Variants in UBE4B observed in about 807,000 individuals in gnomAD.
UBE4B encodes the protein ubiquitination factor E4B.
A neutral mutation model predicts 148.1 loss-of-function variants in UBE4B; 27 were observed. The observed-to-expected ratio is 0.18, with a 90% CI of 0.13 to 0.25. The LOEUF (loss-of-function observed/expected upper bound fraction) is 0.25. Among genes scored for constraint, UBE4B ranks in the 10% least tolerant of loss-of-function variants. UBE4B has a pLI of 1.00. For missense variants in UBE4B, 1,170 were observed against 1,662.4 expected, an observed-to-expected ratio of 0.70 and a Z score of 5.15; for synonymous variants, 596 against 619.3, an observed-to-expected ratio of 0.96 and a Z score of 0.56.
At chr1:10,139,626 TAA>T (rs1477644285) in intron 17 of UBE4B, among the ~76,000 whole-genome samples, 4 of 152,238 alleles carry the variant, frequency 2.6e-5, no homozygotes, top group Non-Finnish European at 5.9e-5. Flanking sequence ...TCAGTTTTTC[TAA>T]AGTTTGAAAA....
chr1:10,146,536 C>A (rs796367160), intron 18 of UBE4B, among the ~76,000 whole-genome samples: 14 of 152,290 alleles, frequency 9.2e-5, no homozygotes, highest in African/African-American at 2.6e-4. Flanking sequence ...TGTCAACAGG[C>A]CTCTAGGTAG....
intron 23 of UBE4B, among the ~76,000 whole-genome samples, chr1:10,164,239 G>A (rs1405307947): frequency 6.6e-6 from 1 of 152,066 alleles, no homozygotes; most frequent in Non-Finnish European, 1.5e-5. Flanking sequence ...TATTTGGAAG[G>A]CTGAGGTGGG....
In UBE4B at chr1:10,122,085, G is replaced by A. The variant is rs773613428; in HGVS notation, c.1554+9G>A. The A allele has an allele frequency of 5.0e-6, 8 of 1,590,602 alleles. No individual in the cohort carries two copies. The highest frequency in any genetic ancestry group is 1.3e-5 in the African/African-American group (1 of 74,176). On this transcript the variant is annotated intron_variant, in intron 10 of 27. Transcript: ENST00000343090. ...AAGAAGTGTTCAAGCAGGTACGGTC[G>A]TATGAGTTTGCTCTTGCAAATTTTA...
intron 8 of UBE4B, among the ~76,000 whole-genome samples, chr1:10,119,196 C>T (rs1280616072): frequency 3.3e-5 from 5 of 151,926 alleles, no homozygotes; most frequent in Non-Finnish European, 4.4e-5. Context: ...TAGTCTTAAA[C>T]TTCTGACCTC....
At chr1:10,083,001 C>T (rs1245255707) in intron 2 of UBE4B, among the ~76,000 whole-genome samples, 3 of 152,086 alleles carry the variant, frequency 2.0e-5, no homozygotes, top group African/African-American at 4.8e-5. Flanking sequence ...TTCTTTTTTA[C>T]GGCTGCATAG....
chr1:10,107,576 C>CTTTTT (rs60975850), intron 7 of UBE4B, among the ~76,000 whole-genome samples: 6 of 128,288 alleles, frequency 4.7e-5, no homozygotes, highest in Non-Finnish European at 6.5e-5. Flanking sequence ...TTCTTTCTTT[C>CTTTTT]TTTTTTTTTT....
At chr1:10,116,019 G>A (rs1370234524) in intron 7 of UBE4B, among the ~76,000 whole-genome samples, 1 of 152,166 alleles carries the variant, frequency 6.6e-6, no homozygotes, top group African/African-American at 2.4e-5. Flanking sequence ...TCCAAAATTA[G>A]TTATGCATAT....
chr1:10,076,708 C>T (rs887959638), intron 2 of UBE4B, among the ~76,000 whole-genome samples: 5 of 148,072 alleles, frequency 3.4e-5, no homozygotes, highest in Middle Eastern at 3.6e-3. Context: ...GGTCCTTCCA[C>T]TTCCAGTTGC....
intron 21 of UBE4B, among the ~76,000 whole-genome samples, chr1:10,154,586 C>G (rs1646036611): frequency 6.6e-6 from 1 of 152,038 alleles, no homozygotes; most frequent in Non-Finnish European, 1.5e-5. Flanking sequence ...GCCTGTAATC[C>G]CAGCACTTTG....
intron 1 of UBE4B, among the ~76,000 whole-genome samples, chr1:10,043,883 T>A (rs1203400930): frequency 6.6e-6 from 1 of 152,230 alleles, no homozygotes; most frequent in Non-Finnish European, 1.5e-5. Context: ...GTTGCCATTT[T>A]AAATGCCTTC....
At chr1:10,109,709 GGA>G (rs1645185796) in intron 7 of UBE4B, among the ~76,000 whole-genome samples, 1 of 151,784 alleles carries the variant, frequency 6.6e-6, no homozygotes, top group Non-Finnish European at 1.5e-5. Context: ...GGAGTGCAGT[GGA>G]GCGATCTCGG....
chr1:10,134,927 C>T (rs1022003449), intron 15 of UBE4B, 61 bp from the exon 16 acceptor site: 10 of 1,462,300 alleles, frequency 6.8e-6, no homozygotes, highest in African/African-American at 5.7e-5. Flanking sequence ...AGAGTGAGAC[C>T]CCATCTCAAA....
At chr1:10,125,173 C>T (rs1290300188) in intron 10 of UBE4B, among the ~76,000 whole-genome samples, 1 of 152,186 alleles carries the variant, frequency 6.6e-6, no homozygotes, top group African/African-American at 2.4e-5. Flanking sequence ...TAATATTTTA[C>T]CTGTGCAATG....
At chr1:10,112,761 T>G (rs1163456010) in intron 7 of UBE4B, among the ~76,000 whole-genome samples, 1 of 152,226 alleles carries the variant, frequency 6.6e-6, no homozygotes, top group African/African-American at 2.4e-5. Context: ...CTCTTTCAGT[T>G]TGAATCTAAA....
At chr1:10,082,795 T>C (rs1257157683) in intron 2 of UBE4B, among the ~76,000 whole-genome samples, 1 of 151,666 alleles carries the variant, frequency 6.6e-6, no homozygotes, top group African/African-American at 2.4e-5. Flanking sequence ...GTCCTAATGC[T>C]CTCCCTCCCC....
At chr1:10,102,539 T>G (rs1645032978) in intron 4 of UBE4B, among the ~76,000 whole-genome samples, 1 of 151,268 alleles carries the variant, frequency 6.6e-6, no homozygotes, top group Non-Finnish European at 1.5e-5. Flanking sequence ...GCCTCCCAAG[T>G]AGCTCCGAGT....
At chr1:10,149,162 G>T (rs779824174) in intron 19 of UBE4B, 22 bp from the exon 20 acceptor site, 7 of 1,514,168 alleles carry the variant, frequency 4.6e-6, no homozygotes, top group Non-Finnish European at 6.3e-6. Context: ...TTAATAAATT[G>T]TCCTTTTTTT....
intron 1 of UBE4B, among the ~76,000 whole-genome samples, chr1:10,063,296 G>A (rs1022197571): frequency 6.6e-6 from 1 of 152,022 alleles, no homozygotes; most frequent in African/African-American, 2.4e-5. Flanking sequence ...AACAGATGTC[G>A]GCAACCTGTA....
intron 1 of UBE4B, chr1:10,058,900 G>C (rs1376847827): frequency 1.3e-5 from 2 of 152,290 alleles, no homozygotes; most frequent in African/African-American, 4.8e-5. Context: ...ATAAGGGTCT[G>C]ACTGGCCTCA....
Sources: gnomAD v4.1 joint callset for allele counts (sites outside exome capture counted in the v4.1 genomes callset) on GRCh38, gnomAD v4.1.1 for gene constraint, MANE v1.5 for transcripts, NCBI Gene and HGNC (gene_info 2026-07-23, HGNC 2026-07-21) for gene names.